The following LRRC51 variants were observed in gnomAD, a reference collection of about 807,000 sequenced individuals.
LRRC51 encodes the protein leucine-rich repeat-containing protein 51.
A neutral mutation model predicts 17.8 loss-of-function variants in LRRC51; 8 were observed. The observed-to-expected ratio is 0.45, with a 90% confidence interval of 0.26 to 0.81. The LOEUF is 0.81. LRRC51 is among the 30% of genes least tolerant of loss of function. The pLI, the probability that LRRC51 is intolerant of heterozygous loss-of-function variation, is 0.17. For synonymous variants in LRRC51, 92 were observed against 96.0 expected, an observed-to-expected ratio of 0.96 and a Z score of 0.24; for missense variants, 233 against 239.3, an observed-to-expected ratio of 0.97 and a Z score of 0.17.
intron 1 of LRRC51, among the ~76,000 whole-genome samples, chr11:72,082,736 T>C (rs1385282479): frequency 1.3e-5 from 2 of 152,310 alleles, no homozygotes; most frequent in African/African-American, 4.8e-5. Context: ...TTCCTGAATA[T>C]CTTTTATATA....
intron 3 of LRRC51, among the ~76,000 whole-genome samples, chr11:72,091,545 G>A (rs1004885900): frequency 1.3e-5 from 2 of 152,112 alleles, no homozygotes; most frequent in Admixed American, 1.3e-4. Context: ...GCTAGCTTCC[G>A]CAAATACTAA....
At chr11:72,088,703 T>A (rs1944681921) in intron 2 of LRRC51, 1 of 520,130 alleles carries the variant, frequency 1.9e-6, no homozygotes, top group Non-Finnish European at 3.5e-6. Context: ...TTCAGGAGAT[T>A]ATGACTGCAG....
chr11:72,091,354 C>T (rs899338961), intron 3 of LRRC51, among the ~76,000 whole-genome samples: 7 of 152,074 alleles, frequency 4.6e-5, no homozygotes, highest in South Asian at 2.1e-4. Flanking sequence ...AGCTGGGGTA[C>T]GCCGTTCCAG....
intron 1 of LRRC51, chr11:72,086,316 G>C (rs1430438112): frequency 1.2e-5 from 8 of 677,326 alleles, no homozygotes; most frequent in Non-Finnish European, 2.2e-5. Context: ...GCTCATGACA[G>C]GGTTCTATTA....
chr11:72,086,092 CA>C (rs547234798), intron 1 of LRRC51: 244 of 286,396 alleles, frequency 8.5e-4, no homozygotes, highest in African/African-American at 4.9e-3. Flanking sequence ...GAGATGGATA[CA>C]GGGGAGACCA....
intron 3 of LRRC51, among the ~76,000 whole-genome samples, chr11:72,092,268 G>A (rs1944904585): frequency 6.6e-6 from 1 of 152,068 alleles, no homozygotes; most frequent in South Asian, 2.1e-4. Flanking sequence ...TTTTTGTACA[G>A]GAACCTCAAA....
In LRRC51 at chr11:72,096,880, A is replaced by G. The variant is rs867699956; in HGVS notation, c.*1360A>G. On this transcript the variant is annotated 3_prime_UTR_variant, in exon 6 of 6. Transcript: ENST00000289488. ...CTTAAGATTTCATTTGATAAAAAGA[A>G]TCTTCTGCTTAAAAACATTTGCTTG... The G allele has an allele frequency of 8.2e-5, 105 of 1,273,170 alleles. 2 individuals are homozygous for G. The Middle Eastern group carries it at 5.0e-3, about 61-fold the overall frequency. 78.9% of individuals were successfully genotyped at this position (1,273,170 alleles called of 1,614,324 possible). A position where few individuals can be genotyped will look rare whatever the true frequency, so the allele number is the denominator to read the frequency against.
At chr11:72,093,251 G>C (rs901959103) in intron 3 of LRRC51, among the ~76,000 whole-genome samples, 1 of 152,236 alleles carries the variant, frequency 6.6e-6, no homozygotes, top group African/African-American at 2.4e-5. Context: ...TGGTACAGTG[G>C]ACATGAGAAG....
chr11:72,095,673 TTTC>T lies in LRRC51; in HGVS notation c.*156_*158del, dbSNP rs1168141050. On this transcript the variant is annotated 3_prime_UTR_variant, in exon 6 of 6. Transcript: ENST00000289488. ...ACTGCAAGTAGCTCTAGCCTTTTCT[TTTC>T]TTTTTTTTTTTTTTGAGACGGAGTC... 1.0e-5 allele frequency: 15 copies of T among 1,491,984 alleles called. No individual in the cohort carries two copies. Among genetic ancestry groups the T allele is most frequent in the Admixed American group, 7.1e-5 (3 of 42,486 alleles). 92.4% of individuals were successfully genotyped at this position (1,491,984 alleles called of 1,614,324 possible). A position where few individuals can be genotyped will look rare whatever the true frequency, so the allele number is the denominator to read the frequency against.
rs1489573823 is a variant in LRRC51 at position 72,093,797 on chromosome 11, TGA to T, written c.288+98_288+99del. 32 of 1,154,840 alleles carry T rather than the reference TGA, an allele frequency of 2.8e-5. No homozygotes were observed. In the Admixed American group the frequency reaches 5.1e-4, roughly 18 times the overall value. The allele number at this position is 1,154,840 out of a possible 1,614,324, so 71.5% of individuals were successfully genotyped here. A position where few individuals can be genotyped will look rare whatever the true frequency, so the allele number is the denominator to read the frequency against. ...CTCCTACATGTTATCAAGGAAGTAA[TGA>T]GGCAGCATGGTACAGTCCAAAGCAC... On this transcript the variant is annotated intron_variant, in intron 4 of 5. Transcript: ENST00000289488.
At chr11:72,089,388 ATGTGCCCC>A (rs1395298744) in intron 3 of LRRC51, 2 of 1,440,444 alleles carry the variant, frequency 1.4e-6, no homozygotes, top group Admixed American at 2.1e-5. Context: ...TCCTAAGAAC[ATGTGCCCC>A]TGTTTGTTTT....
In LRRC51 at chr11:72,095,629, A is replaced by G. The variant is rs547585956; in HGVS notation, c.*109A>G. On this transcript the variant is annotated 3_prime_UTR_variant, in exon 6 of 6. Transcript: ENST00000289488. Reference sequence around the variant, plus strand: ...GAGAAGTCACTTACACCTTGTAGAGATGTTCTCTAACTCAGGCAACTGCAA... The same window carrying G: ...GAGAAGTCACTTACACCTTGTAGAGGTGTTCTCTAACTCAGGCAACTGCAA... 2.6e-6 allele frequency: 4 copies of G among 1,548,496 alleles called. No individual in the cohort carries two copies. The Admixed American group carries it at 5.9e-5, about 23-fold the overall frequency.
At chr11:72,082,283 G>A (rs1311602138) in intron 1 of LRRC51, among the ~76,000 whole-genome samples, 1 of 152,216 alleles carries the variant, frequency 6.6e-6, no homozygotes, top group African/African-American at 2.4e-5. Context: ...ATGATTAGCT[G>A]GTTTCTAGCT....
chr11:72,095,158 G>A, intron 5 of LRRC51, 62 bp downstream of exon 5: 1 of 1,595,630 alleles, frequency 6.3e-7, no homozygotes, highest in Non-Finnish European at 8.5e-7. Context: ...AGGAGGAGGA[G>A]AAACAAGAAA....
chr11:72,088,975 G>A, intron 2 of LRRC51, 54 bp from the exon 3 acceptor site: 4 of 1,599,178 alleles, frequency 2.5e-6, no homozygotes, highest in Middle Eastern at 2.3e-4. Flanking sequence ...GAGGACTATG[G>A]GGAAACCTGA....
chr11:72,089,523 C>G, intron 3 of LRRC51: 1 of 1,244,988 alleles, frequency 8.0e-7, no homozygotes. Flanking sequence ...GCCAGTCTAT[C>G]AGCCAATAGT....
rs761792731 is a variant in LRRC51, at chr11:72,095,537, G to C, written c.*17G>C. 1.2e-6 allele frequency: 2 copies of C among 1,612,282 alleles called. No homozygotes were observed. Among genetic ancestry groups the C allele is most frequent in the African/African-American group, 1.3e-5 (1 of 74,880 alleles). On this transcript the variant is annotated 3_prime_UTR_variant, in exon 6 of 6. Coordinates refer to ENST00000289488, the MANE Select transcript of LRRC51 (RefSeq NM_145309.6). ...ACACTTTGAGGCTCCCACGACCCTA[G>C]TAGTCCTAAAGGCCTAAGCATAGAC...
At chr11:72,081,806 A>G (rs1205290346) in intron 1 of LRRC51, among the ~76,000 whole-genome samples, 1 of 152,048 alleles carries the variant, frequency 6.6e-6, no homozygotes, top group Non-Finnish European at 1.5e-5. Flanking sequence ...CATTTTTTTT[A>G]GTACTCACGA....
Position 72,093,523 on chromosome 11 carries a change from G to T in LRRC51, c.110G>T (p.Gly37Val). 1 of 1,613,924 alleles carries T rather than the reference G, an allele frequency of 6.2e-7. No individual in the cohort carries two copies. The highest frequency in any genetic ancestry group is 8.5e-7 in the Non-Finnish European group (1 of 1,179,930). ...QDLVNEEPRT[G>V]LRPLKRSKSG... ...CTGGTAAATGAGGAGCCAAGGACAG[G>T]ACTACGACCACTGAAGCGTTCAAAG... is the stretch of plus-strand genomic sequence containing the variant. Residue 37 changes from glycine to valine, a missense_variant, in exon 4 of 6, where the codon GGA (glycine) becomes GTA (valine). Gly to Val is a moderately radical substitution (Grantham distance 109). Coordinates refer to ENST00000289488, the MANE Select transcript of LRRC51 (RefSeq NM_145309.6).
Sources: gnomAD v4.1 joint callset for allele counts (sites outside exome capture counted in the v4.1 genomes callset) on GRCh38, gnomAD v4.1.1 for gene constraint, MANE v1.5 for transcripts, NCBI Gene and HGNC (gene_info 2026-07-23, HGNC 2026-07-21) for gene names.